Variants in TRAPPC11 observed in about 807,000 individuals in gnomAD.
TRAPPC11 encodes trafficking protein particle complex subunit 11, also known as foie gras homolog.
A neutral mutation model predicts 151.2 loss-of-function variants in TRAPPC11; 104 were observed. That is an observed-to-expected ratio of 0.69 (90% confidence interval 0.59 to 0.81). The LOEUF (loss-of-function observed/expected upper bound fraction) is 0.81. Ranked by LOEUF, TRAPPC11 falls within the 30% of genes least tolerant of loss-of-function variation. TRAPPC11 has a pLI of 0.00. For synonymous variants in TRAPPC11, 456 were observed against 472.3 expected, an observed-to-expected ratio of 0.97 and a Z score of 0.45; for missense variants, 1,230 against 1,349.6, an observed-to-expected ratio of 0.91 and a Z score of 1.39.
intron 29 of TRAPPC11, among the ~76,000 whole-genome samples, chr4:183,709,902 T>C (rs1261341384): frequency 2.0e-5 from 3 of 152,186 alleles, no homozygotes; most frequent in Non-Finnish European, 4.4e-5. Flanking sequence ...CACACTCTCC[T>C]GGTGAAGTCA....
At chr4:183,706,022 C>A (rs1737035691) in intron 27 of TRAPPC11, 1 of 152,114 alleles carries the variant, frequency 6.6e-6, no homozygotes, top group Admixed American at 6.6e-5. Context: ...ATGAAGCCTT[C>A]CATGTTTTTG....
chr4:183,702,588 A>G (rs1004006659), intron 26 of TRAPPC11, among the ~76,000 whole-genome samples: 3 of 152,198 alleles, frequency 2.0e-5, no homozygotes, highest in African/African-American at 7.2e-5. Flanking sequence ...AAAACATGCT[A>G]TGTATTTCTT....
At chr4:183,684,904 T>A (rs576829063) in intron 15 of TRAPPC11, 63 bp downstream of exon 15, 26 of 1,484,624 alleles carry the variant, frequency 1.8e-5, no homozygotes, top group Non-Finnish European at 2.4e-5. Context: ...CTTTAAGCTT[T>A]TTAAAATTTA....
At chr4:183,689,380 C>T (rs1018839794) in intron 18 of TRAPPC11, among the ~76,000 whole-genome samples, 8 of 151,970 alleles carry the variant, frequency 5.3e-5, no homozygotes, top group African/African-American at 1.9e-4. Context: ...TTCCTTCTTG[C>T]CTTTTCTCAC....
At position 183,659,370 on chromosome 4, in the gene TRAPPC11, T is replaced by C. The variant is rs2111264207; in HGVS notation, c.-99T>C. The stretch of plus-strand genomic sequence containing the variant: ...GGACGGGCCACGGCGTTCTGTGACA[T>C]CCCCCCGCCTCCCCTCGTCTTCTCC... On this transcript the variant is annotated 5_prime_UTR_variant, in exon 1 of 30. Coordinates refer to ENST00000334690, the MANE Select transcript of TRAPPC11 (RefSeq NM_021942.6). 1.8e-5 allele frequency: 3 copies of C among 168,290 alleles called. No homozygotes were observed. The highest frequency in any genetic ancestry group is 2.0e-4 in the South Asian group (1 of 4,936). The allele number at this position is 168,290 out of a possible 1,614,324, so 10.4% of individuals were successfully genotyped here.
chr4:183,685,077 A>T lies in TRAPPC11; in HGVS notation c.1568-7A>T. 1 of 1,612,284 alleles carries T rather than the reference A, an allele frequency of 6.2e-7. No individual in the cohort carries two copies. The highest frequency in any genetic ancestry group is 8.5e-7 in the Non-Finnish European group (1 of 1,179,318). On this transcript the variant is annotated splice_region_variant and splice_polypyrimidine_tract_variant and intron_variant, in intron 15 of 29. Coordinates refer to ENST00000334690, the MANE Select transcript of TRAPPC11 (RefSeq NM_021942.6). ...TTAAAATGTTTTTCCTTCTTTCTTC[A>T]TACTAGCTTCAACTCTGAAAGATGA...
At chr4:183,697,174 G>A (rs12502291) in intron 23 of TRAPPC11, among the ~76,000 whole-genome samples, 58,008 of 151,716 alleles carry the variant, frequency 0.38, 12,055 homozygotes, top group South Asian at 0.6. Flanking sequence ...CATAAAATAC[G>A]GTAGCCGGGC....
At chr4:183,660,846 T>C (rs1734454906) in intron 1 of TRAPPC11, among the ~76,000 whole-genome samples, 1 of 152,196 alleles carries the variant, frequency 6.6e-6, no homozygotes, top group Non-Finnish European at 1.5e-5. Flanking sequence ...CCCGAGTAGC[T>C]GGGACTATAG....
Position 183,697,773 on chromosome 4 carries a change from G to A in TRAPPC11, c.2789G>A (p.Ser930Asn), listed in dbSNP as rs139826587. Residue 930 changes from serine to asparagine, a missense_variant, in exon 25 of 30, where the codon AGT becomes AAT. Physicochemically the swap from Ser to Asn is conservative, Grantham distance 46 (BLOSUM62 1). Coordinates refer to ENST00000334690, the MANE Select transcript of TRAPPC11 (RefSeq NM_021942.6). ...CCCTGGGCCCTCACTATTGTTTCCAGTGAGCTCCAGCTTGCTCCATCCATG... is the reference window on the plus strand; with the variant it reads ...CCCTGGGCCCTCACTATTGTTTCCAATGAGCTCCAGCTTGCTCCATCCATG... ...ASPWALTIVSSELQLAPSMTT... is the reference protein window; with the variant it reads ...ASPWALTIVSNELQLAPSMTT... The A allele has an allele frequency of 3.1e-6, 5 of 1,613,940 alleles. No individual in the cohort carries two copies. The African/African-American group carries it at 6.7e-5, about 22-fold the overall frequency.
At chr4:183,675,394 T>C (rs916321298) in intron 7 of TRAPPC11, among the ~76,000 whole-genome samples, 157 bp downstream of exon 7, 3 of 152,210 alleles carry the variant, frequency 2.0e-5, no homozygotes, top group African/African-American at 7.2e-5. Flanking sequence ...TATAATATTT[T>C]AGGATTTTTA....
chr4:183,676,296 C>A (rs904743288), intron 7 of TRAPPC11, among the ~76,000 whole-genome samples: 3 of 151,974 alleles, frequency 2.0e-5, no homozygotes, highest in African/African-American at 4.8e-5. Context: ...ACTACAGGTG[C>A]CTGCCACCAC....
chr4:183,711,333 T>C (rs1737330842), intron 29 of TRAPPC11, among the ~76,000 whole-genome samples: 1 of 152,238 alleles, frequency 6.6e-6, no homozygotes, highest in South Asian at 2.1e-4. Context: ...AATCGCTAAA[T>C]GTGACTAGCG....
chr4:183,687,850 C>A (rs1241034214), intron 18 of TRAPPC11, among the ~76,000 whole-genome samples: 1 of 152,054 alleles, frequency 6.6e-6, no homozygotes, highest in Non-Finnish European at 1.5e-5. Flanking sequence ...CTCCATTCTC[C>A]CACACACCCT....
intron 17 of TRAPPC11, 54 bp downstream of exon 17, chr4:183,685,457 A>G: frequency 6.4e-7 from 1 of 1,561,186 alleles, no homozygotes; most frequent in Non-Finnish European, 8.8e-7. Context: ...TATTTCTACA[A>G]AATGAATAGG....
intron 4 of TRAPPC11, 28 bp from the exon 5 acceptor site, chr4:183,667,975 C>A: frequency 7.7e-7 from 1 of 1,305,556 alleles, no homozygotes; most frequent in South Asian, 1.2e-5. Flanking sequence ...TTTTATTTCT[C>A]ATTCATCTTG....
At chr4:183,700,528 C>A (rs1261205632) in intron 25 of TRAPPC11, among the ~76,000 whole-genome samples, 1 of 152,194 alleles carries the variant, frequency 6.6e-6, no homozygotes. Flanking sequence ...GCATTGCAGG[C>A]TCTGGAGAGC....
intron 1 of TRAPPC11, 47 bp downstream of exon 1, chr4:183,659,494 G>C (rs1219157456): frequency 6.5e-6 from 1 of 153,148 alleles, no homozygotes; most frequent in Non-Finnish European, 1.5e-5. Flanking sequence ...GACCGCCGAG[G>C]AAGAGAGCTA....
rs532932795 is a variant in TRAPPC11, at chr4:183,665,172, G to A, written c.205-1085G>A. Among the ~76,000 whole-genome samples, 308 of 136,602 alleles carry A rather than the reference G, an allele frequency of 2.3e-3. 1 individual carries two copies. The highest frequency in any genetic ancestry group is 4.0e-3 in the Non-Finnish European group (263 of 66,356). The allele number at this position is 136,602 out of a possible 152,430, so 89.6% of individuals were successfully genotyped here. A position where few individuals can be genotyped will look rare whatever the true frequency, so the allele number is the denominator to read the frequency against. On this transcript the variant is annotated intron_variant, in intron 2 of 29. Coordinates refer to ENST00000334690, the MANE Select transcript of TRAPPC11 (RefSeq NM_021942.6). ...TGCTGTGGCGCGATATCGGCTCACTGCAAGCTCCGCCTCCTGGGTTCGTGC... is the reference window on the plus strand; with the variant it reads ...TGCTGTGGCGCGATATCGGCTCACTACAAGCTCCGCCTCCTGGGTTCGTGC...
intron 29 of TRAPPC11, among the ~76,000 whole-genome samples, chr4:183,711,428 G>C (rs1737334897): frequency 6.6e-6 from 1 of 152,108 alleles, no homozygotes; most frequent in Non-Finnish European, 1.5e-5. Flanking sequence ...TTTTCTAATT[G>C]TATGATGCAC....
Sources: gnomAD v4.1 joint callset for allele counts (sites outside exome capture counted in the v4.1 genomes callset) on GRCh38, gnomAD v4.1.1 for gene constraint, MANE v1.5 for transcripts, NCBI Gene and HGNC (gene_info 2026-07-23, HGNC 2026-07-21) for gene names.